UNC5D: variants seen among roughly 807,000 people sequenced by gnomAD.
UNC5D encodes the protein unc-5 netrin receptor D, also known as netrin receptor UNC5D.
Under a neutral mutation model 105.4 loss-of-function variants are expected in UNC5D, and 39 were observed. That is an observed-to-expected ratio of 0.37 (90% CI 0.29 to 0.48). The LOEUF is 0.48. UNC5D is among the 20% of genes least tolerant of loss of function. UNC5D has a pLI of 0.98. For synonymous variants in UNC5D, 452 were observed against 450.4 expected, an observed-to-expected ratio of 1.00 and a Z score of -0.04; for missense variants, 991 against 1,202.4, an observed-to-expected ratio of 0.82 and a Z score of 2.60.
At chr8:35,772,210 A>C (rs1343193594) in intron 15 of UNC5D, among the ~76,000 whole-genome samples, 3 of 152,136 alleles carry the variant, frequency 2.0e-5, no homozygotes, top group Admixed American at 2.0e-4. Context: ...CGTGACCATG[A>C]AACTGCCATT....
At chr8:35,698,905 A>G (rs949165661) in intron 7 of UNC5D, among the ~76,000 whole-genome samples, 1 of 152,148 alleles carries the variant, frequency 6.6e-6, no homozygotes, top group African/African-American at 2.4e-5. Flanking sequence ...TACAGTATAT[A>G]TTTCTATTGT....
At chr8:35,469,897 C>T (rs902690357) in intron 1 of UNC5D, among the ~76,000 whole-genome samples, 1 of 151,992 alleles carries the variant, frequency 6.6e-6, no homozygotes, top group Admixed American at 6.6e-5. Context: ...CTTGGTTGTA[C>T]GGGAATGAAG....
chr8:35,430,957 A>G (rs566019068), intron 1 of UNC5D, among the ~76,000 whole-genome samples: 15 of 152,316 alleles, frequency 9.8e-5, no homozygotes, highest in African/African-American at 3.6e-4. Flanking sequence ...AATGTTGAAC[A>G]TTGTGATGGA....
chr8:35,629,479 T>C lies in UNC5D; in HGVS notation c.570+33822T>C, dbSNP rs149681870. On this transcript the variant is annotated intron_variant, in intron 4 of 16. Coordinates refer to ENST00000404895, the MANE Select transcript of UNC5D (RefSeq NM_080872.4). ...TTTTCTCAATGTAGTCGCTTGTAAG[T>C]AGGAGCTAAACATAAGGTATTCATG... 3.6e-3 allele frequency among the ~76,000 whole-genome samples: 545 copies of C among 152,150 alleles called. 2 individuals are homozygous for C. The highest frequency in any genetic ancestry group is 4.0e-3 in the Non-Finnish European group (270 of 68,004).
At chr8:35,327,523 G>A (rs764826669) in intron 1 of UNC5D, among the ~76,000 whole-genome samples, 4 of 152,194 alleles carry the variant, frequency 2.6e-5, no homozygotes, top group Non-Finnish European at 5.9e-5. Context: ...AGATTTCTGT[G>A]AGTGCACAAG....
chr8:35,442,833 A>C (rs546150989), intron 1 of UNC5D, among the ~76,000 whole-genome samples: 106 of 149,514 alleles, frequency 7.1e-4, no homozygotes, highest in Non-Finnish European at 1.3e-3. Context: ...GTTGGTTGTA[A>C]ATTAAAACTC....
chr8:35,749,923 G>T (rs1297738024), intron 12 of UNC5D, among the ~76,000 whole-genome samples: 2 of 145,618 alleles, frequency 1.4e-5, no homozygotes, highest in African/African-American at 5.6e-5. Context: ...AATGAAAGAG[G>T]ATAAAATGTT....
At chr8:35,651,732 A>G (rs1008301240) in intron 4 of UNC5D, among the ~76,000 whole-genome samples, 4 of 151,952 alleles carry the variant, frequency 2.6e-5, no homozygotes, top group African/African-American at 7.3e-5. Flanking sequence ...AGTTTTGTCT[A>G]GTTTTGAATT....
chr8:35,373,052 C>T (rs557201030), intron 1 of UNC5D, among the ~76,000 whole-genome samples: 2 of 152,270 alleles, frequency 1.3e-5, no homozygotes, highest in East Asian at 1.9e-4. Context: ...GTTCCCCCTC[C>T]GTGGTCTGCC....
chr8:35,387,300 T>C (rs1803468552), intron 1 of UNC5D, among the ~76,000 whole-genome samples: 1 of 148,938 alleles, frequency 6.7e-6, no homozygotes, highest in Non-Finnish European at 1.5e-5. Flanking sequence ...GAGGCGGAGT[T>C]TGTAGTGAGT....
At chr8:35,459,967 C>T (rs1563439708) in intron 1 of UNC5D, among the ~76,000 whole-genome samples, 1 of 152,148 alleles carries the variant, frequency 6.6e-6, no homozygotes, top group Non-Finnish European at 1.5e-5. Flanking sequence ...CTAACCTTGC[C>T]GGATTCGGCT....
intron 1 of UNC5D, chr8:35,256,409 C>T (rs1804076063): frequency 6.6e-6 from 1 of 152,002 alleles, no homozygotes; most frequent in African/African-American, 2.4e-5. Context: ...TGGTGGTTTG[C>T]TGCACCCATT....
chr8:35,417,172 T>G (rs185030544), intron 1 of UNC5D, among the ~76,000 whole-genome samples: 1 of 152,302 alleles, frequency 6.6e-6, no homozygotes, highest in Non-Finnish European at 1.5e-5. Flanking sequence ...AAGTCTTATT[T>G]ATTCATTTTC....
At chr8:35,638,809 A>C (rs1410554630) in intron 4 of UNC5D, among the ~76,000 whole-genome samples, 1 of 152,132 alleles carries the variant, frequency 6.6e-6, no homozygotes, top group Non-Finnish European at 1.5e-5. Context: ...CTTTAAAAAA[A>C]AAGTGACATA....
intron 1 of UNC5D, among the ~76,000 whole-genome samples, chr8:35,304,433 G>A (rs1808188197): frequency 6.6e-6 from 1 of 152,036 alleles, no homozygotes; most frequent in African/African-American, 2.4e-5. Flanking sequence ...AAAAAAAATT[G>A]AATGACATGC....
At chr8:35,684,100 G>C (rs1231975050) in intron 5 of UNC5D, among the ~76,000 whole-genome samples, 1 of 152,138 alleles carries the variant, frequency 6.6e-6, no homozygotes, top group Non-Finnish European at 1.5e-5. Flanking sequence ...CCTGCTGTCA[G>C]GTAGTCTCTC....
chr8:35,722,463 C>T, intron 9 of UNC5D, 68 bp downstream of exon 9: 2 of 1,533,570 alleles, frequency 1.3e-6, no homozygotes, highest in Non-Finnish European at 1.8e-6. Context: ...TAGACCCCAG[C>T]CTTCTCCTGG....
At chr8:35,609,573 A>G (rs1820542593) in intron 4 of UNC5D, among the ~76,000 whole-genome samples, 1 of 152,222 alleles carries the variant, frequency 6.6e-6, no homozygotes, top group Non-Finnish European at 1.5e-5. Context: ...TTACGTGGTC[A>G]GGTCACCGAG....
chr8:35,265,857 G>A (rs1014865623), intron 1 of UNC5D, among the ~76,000 whole-genome samples: 12 of 138,220 alleles, frequency 8.7e-5, no homozygotes, highest in East Asian at 2.2e-4. Context: ...GCGACAGAGC[G>A]AGACTCGTCT....
Sources: allele counts gnomAD v4.1 joint callset (sites outside exome capture counted in the v4.1 genomes callset), GRCh38; gene constraint gnomAD v4.1.1; transcripts MANE v1.5; gene names NCBI Gene and HGNC (gene_info 2026-07-23, HGNC 2026-07-21).